The following PITPNC1 variants were observed in gnomAD, a reference collection of about 807,000 sequenced individuals.
PITPNC1 encodes phosphatidylinositol transfer protein cytoplasmic 1.
A neutral mutation model predicts 44.7 loss-of-function variants in PITPNC1; 18 were observed. The ratio of observed to expected loss-of-function variants is 0.40; its 90% confidence interval spans 0.28 to 0.60. The LOEUF (loss-of-function observed/expected upper bound fraction) is 0.60. Among genes scored for constraint, PITPNC1 ranks in the 20% least tolerant of loss-of-function variants. The pLI, the probability that PITPNC1 is intolerant of heterozygous loss-of-function variation, is 0.39. For missense variants in PITPNC1, 290 were observed against 418.4 expected, an observed-to-expected ratio of 0.69 and a Z score of 2.68; for synonymous variants, 141 against 149.6, an observed-to-expected ratio of 0.94 and a Z score of 0.42.
intron 1 of PITPNC1, among the ~76,000 whole-genome samples, chr17:67,437,511 G>A (rs546683062): frequency 1.3e-4 from 20 of 152,212 alleles, no homozygotes; most frequent in South Asian, 8.3e-4. Flanking sequence ...GCAGAACTGC[G>A]GGAGAACACA....
chr17:67,553,928 C>G (rs559514950), intron 4 of PITPNC1, among the ~76,000 whole-genome samples: 1 of 152,280 alleles, frequency 6.6e-6, no homozygotes, highest in Non-Finnish European at 1.5e-5. Context: ...AGAACAGTTT[C>G]TAGCAACGTG....
chr17:67,485,206 T>G (rs536556562), intron 1 of PITPNC1, among the ~76,000 whole-genome samples: 1 of 151,994 alleles, frequency 6.6e-6, no homozygotes, highest in African/African-American at 2.4e-5. Context: ...TTCCCGGTGG[T>G]GATGCCATGG....
chr17:67,633,820 T>C (rs995846536), intron 6 of PITPNC1, among the ~76,000 whole-genome samples: 2 of 152,262 alleles, frequency 1.3e-5, no homozygotes, highest in Non-Finnish European at 2.9e-5. Flanking sequence ...CTGTCCTACC[T>C]GGACCTCCCG....
rs370896453 is a variant in PITPNC1, at chr17:67,627,838, T to G, written c.367-4305T>G. Among the ~76,000 whole-genome samples the G allele has an allele frequency of 9.8e-5, 15 of 152,302 alleles. No individual in the cohort carries two copies. In the East Asian group the frequency reaches 1.2e-3, roughly 12 times the overall value. Reference sequence around the variant, plus strand: ...TCTCATCTGAAAAGCAGGAATAATATTAATATGGGCATAATGTTCTTAAAG... The same window carrying G: ...TCTCATCTGAAAAGCAGGAATAATAGTAATATGGGCATAATGTTCTTAAAG... On this transcript the variant is annotated intron_variant, in intron 5 of 8. Coordinates refer to ENST00000581322, the MANE Select transcript of PITPNC1 (RefSeq NM_012417.4).
chr17:67,460,851 T>C (rs749263189), intron 1 of PITPNC1, among the ~76,000 whole-genome samples: 5 of 149,646 alleles, frequency 3.3e-5, no homozygotes, highest in African/African-American at 7.4e-5. Context: ...TTCAAGTGAT[T>C]CTCCTGCCTC....
At chr17:67,464,428 T>G (rs746806110) in intron 1 of PITPNC1, among the ~76,000 whole-genome samples, 8 of 152,210 alleles carry the variant, frequency 5.3e-5, no homozygotes, top group Non-Finnish European at 1.2e-4. Context: ...TCAATGAATT[T>G]CTAAATGGAG....
chr17:67,379,455 G>A (rs1477600700), intron 1 of PITPNC1: 13 of 758,568 alleles, frequency 1.7e-5, no homozygotes, highest in South Asian at 6.0e-5. Flanking sequence ...AACGCATCAC[G>A]GGGACACAGG....
intron 5 of PITPNC1, among the ~76,000 whole-genome samples, chr17:67,601,892 G>A (rs565655735): frequency 3.3e-5 from 5 of 152,206 alleles, no homozygotes; most frequent in African/African-American, 4.8e-5. Flanking sequence ...AGAGAGTGAC[G>A]AGCACACGCA....
intron 1 of PITPNC1, among the ~76,000 whole-genome samples, chr17:67,464,854 C>T (rs1459427481): frequency 2.0e-5 from 3 of 151,968 alleles, no homozygotes; most frequent in Admixed American, 6.6e-5. Context: ...ATTCTCCTGT[C>T]TCAGCCTCCT....
intron 8 of PITPNC1, among the ~76,000 whole-genome samples, chr17:67,692,084 T>C (rs2042937126): frequency 6.6e-6 from 1 of 152,172 alleles, no homozygotes; most frequent in Non-Finnish European, 1.5e-5. Context: ...AAAGGTATAC[T>C]TTCATGATCT....
At chr17:67,632,337 G>A (rs1270860808) in intron 6 of PITPNC1, 99 bp downstream of exon 6, 14 of 745,534 alleles carry the variant, frequency 1.9e-5, no homozygotes, top group South Asian at 3.3e-5. Context: ...GCCATCTCTC[G>A]TCGTGTGGAT....
At chr17:67,390,288 A>T (rs2038119041) in intron 1 of PITPNC1, among the ~76,000 whole-genome samples, 1 of 152,208 alleles carries the variant, frequency 6.6e-6, no homozygotes, top group Admixed American at 6.5e-5. Flanking sequence ...TCATGGCTTG[A>T]ATAGCTGCCC....
intron 1 of PITPNC1, among the ~76,000 whole-genome samples, chr17:67,499,259 T>C: frequency 6.6e-6 from 1 of 152,078 alleles, no homozygotes; most frequent in African/African-American, 2.4e-5. Flanking sequence ...CTGTTGCCCA[T>C]GTTGGAGTGC....
chr17:67,465,978 G>A (rs1238559363), intron 1 of PITPNC1, among the ~76,000 whole-genome samples: 1 of 146,678 alleles, frequency 6.8e-6, no homozygotes, highest in Non-Finnish European at 1.5e-5. Context: ...CCCCCGTCAG[G>A]CAAGGTCGGC....
At chr17:67,521,933 G>A (rs2040330018) in intron 1 of PITPNC1, among the ~76,000 whole-genome samples, 1 of 152,142 alleles carries the variant, frequency 6.6e-6, no homozygotes. Context: ...GTCTTTGTCT[G>A]CAACATTGGG....
intron 1 of PITPNC1, among the ~76,000 whole-genome samples, chr17:67,415,734 C>G (rs1467272788): frequency 6.6e-6 from 1 of 152,060 alleles, no homozygotes; most frequent in Non-Finnish European, 1.5e-5. Context: ...AACCCAGAAA[C>G]TCATTCTAAT....
intron 1 of PITPNC1, among the ~76,000 whole-genome samples, chr17:67,405,245 TAA>T (rs892885166): frequency 6.8e-6 from 1 of 146,066 alleles, no homozygotes. Context: ...AGACTCCGTT[TAA>T]AAAAAAAAAA....
At chr17:67,451,958 CA>C (rs1207721137) in intron 1 of PITPNC1, among the ~76,000 whole-genome samples, 3 of 151,116 alleles carry the variant, frequency 2.0e-5, no homozygotes, top group East Asian at 4.1e-4. Flanking sequence ...TTTTACTCAA[CA>C]TAAAGTTTTT....
At position 67,566,376 on chromosome 17, in the gene PITPNC1, G is replaced by A. The variant is rs552304036; in HGVS notation, c.295-11810G>A. Among the ~76,000 whole-genome samples, 209 of 152,028 alleles carry A rather than the reference G, an allele frequency of 1.4e-3. 1 individual carries two copies. Among genetic ancestry groups the A allele is most frequent in the Non-Finnish European group, 2.0e-3 (135 of 67,998 alleles). On this transcript the variant is annotated intron_variant, in intron 4 of 8. Transcript: ENST00000581322. ...GCACCACCATGCCCAGCTAATTTTT[G>A]TATTTTTAGTAGAGACAGGGTTTTG...
Sources: gnomAD v4.1 joint callset for allele counts (sites outside exome capture counted in the v4.1 genomes callset) on GRCh38, gnomAD v4.1.1 for gene constraint, MANE v1.5 for transcripts, NCBI Gene and HGNC (gene_info 2026-07-23, HGNC 2026-07-21) for gene names.